Variants in NXPE2 observed in about 807,000 individuals in gnomAD.
NXPE2 encodes the protein neurexophilin and PC-esterase domain family member 2, also known as NXPE family member 2.
NXPE2 carries 34 observed loss-of-function variants against 34.4 expected under a neutral mutation model. The observed-to-expected ratio is 0.99, with a 90% CI of 0.75 to 1.31. NXPE2 has a LOEUF of 1.31. NXPE2 is among the 40% of genes most tolerant of loss of function. The pLI, the probability that NXPE2 is intolerant of heterozygous loss-of-function variation, is 0.00. For missense variants in NXPE2, 649 were observed against 672.5 expected, an observed-to-expected ratio of 0.97 and a Z score of 0.39; for synonymous variants, 235 against 231.3, an observed-to-expected ratio of 1.02 and a Z score of -0.15.
At chr11:114,561,452 C>T in the NXPE2 span, among the ~76,000 whole-genome samples, 3 of 152,156 alleles carry the variant, frequency 2.0e-5, no homozygotes, top group African/African-American at 2.4e-5. Context: ...GTTTCTTTAA[C>T]CAATATTGTT....
the NXPE2 span, among the ~76,000 whole-genome samples, chr11:114,722,360 C>T: frequency 1.3e-5 from 2 of 152,048 alleles, no homozygotes; most frequent in African/African-American, 4.8e-5. Flanking sequence ...TCCACCATGA[C>T]AGTAAGTATC....
At position 114,679,893 on chromosome 11, in the gene NXPE2, A is replaced by G. The variant is rs1950919891; in HGVS notation, c.132+131A>G. 7 of 589,686 alleles carry G rather than the reference A, an allele frequency of 1.2e-5. No individual in the cohort carries two copies. The South Asian group carries it at 1.6e-4, about 13-fold the overall frequency. 36.5% of individuals were successfully genotyped at this position (589,686 alleles called of 1,614,324 possible). A position where few individuals can be genotyped will look rare whatever the true frequency, so the allele number is the denominator to read the frequency against. On this transcript the variant is annotated intron_variant, in intron 2 of 5. Transcript: ENST00000389586. Reference sequence around the variant, plus strand: ...GCAGGAGAATGTGGATCAGGGGTTCACTGTTCAGCATAAATCCCTTTGGCA... The same window carrying G: ...GCAGGAGAATGTGGATCAGGGGTTCGCTGTTCAGCATAAATCCCTTTGGCA...
At chr11:114,570,991 G>A in the NXPE2 span, 1 of 1,612,162 alleles carries the variant, frequency 6.2e-7, no homozygotes, top group Non-Finnish European at 8.5e-7. Context: ...ACATGTTGAG[G>A]TGGGTGTACA....
chr11:114,588,560 A>T, the NXPE2 span, among the ~76,000 whole-genome samples: 1 of 152,154 alleles, frequency 6.6e-6, no homozygotes, highest in East Asian at 1.9e-4. Flanking sequence ...GAATATAGAG[A>T]AAATGAAGAA....
chr11:114,728,652 G>A, the NXPE2 span, among the ~76,000 whole-genome samples: 4 of 152,050 alleles, frequency 2.6e-5, no homozygotes, highest in East Asian at 3.9e-4. Context: ...TTCTGTAAAG[G>A]ACAAGATATT....
chr11:114,810,150 G>A, the NXPE2 span, among the ~76,000 whole-genome samples: 3 of 142,940 alleles, frequency 2.1e-5, no homozygotes, highest in Non-Finnish European at 3.1e-5. Context: ...GTAGAAAGCT[G>A]AAACTGGATC....
At chr11:114,758,325 A>G in the NXPE2 span, among the ~76,000 whole-genome samples, 1 of 152,218 alleles carries the variant, frequency 6.6e-6, no homozygotes. Flanking sequence ...TATCTGGCCT[A>G]GCTTCCTACC....
At chr11:114,553,372 C>T in the NXPE2 span, among the ~76,000 whole-genome samples, 1 of 152,120 alleles carries the variant, frequency 6.6e-6, no homozygotes, top group African/African-American at 2.4e-5. Flanking sequence ...GTCACAAGAT[C>T]CCAGTCCTGA....
chr11:114,549,850 G>T, the NXPE2 span, among the ~76,000 whole-genome samples: 1 of 151,926 alleles, frequency 6.6e-6, no homozygotes, highest in African/African-American at 2.4e-5. Context: ...ATGGAGAAAT[G>T]ACTACAAATA....
At chr11:114,581,376 G>T in the NXPE2 span, among the ~76,000 whole-genome samples, 7 of 152,094 alleles carry the variant, frequency 4.6e-5, no homozygotes, top group Admixed American at 6.6e-5. Flanking sequence ...TGGTGATATG[G>T]GAAGAGGTGA....
At chr11:114,721,243 GTTTT>G in the NXPE2 span, among the ~76,000 whole-genome samples, 3 of 138,866 alleles carry the variant, frequency 2.2e-5, no homozygotes, top group African/African-American at 7.8e-5. Flanking sequence ...CTTTCTTCAG[GTTTT>G]TTTTTTTTTT....
At chr11:114,473,174 A>G in the NXPE2 span, among the ~76,000 whole-genome samples, 7 of 152,212 alleles carry the variant, frequency 4.6e-5, no homozygotes, top group South Asian at 6.2e-4. Flanking sequence ...GTCTTGGGAT[A>G]GTGATTAAAT....
the NXPE2 span, among the ~76,000 whole-genome samples, chr11:114,744,845 C>G: frequency 6.6e-6 from 1 of 151,842 alleles, no homozygotes; most frequent in African/African-American, 2.4e-5. Context: ...ATTATAAGTA[C>G]GAAGGCATGT....
chr11:114,489,947 A>T, the NXPE2 span, among the ~76,000 whole-genome samples: 1 of 152,204 alleles, frequency 6.6e-6, no homozygotes, highest in Admixed American at 6.5e-5. Flanking sequence ...ATGATTGTAT[A>T]TCTAGAAAAC....
At chr11:114,635,503 T>C in the NXPE2 span, among the ~76,000 whole-genome samples, 8 of 152,042 alleles carry the variant, frequency 5.3e-5, no homozygotes, top group South Asian at 2.1e-4. Flanking sequence ...AGCACTCTGA[T>C]GAATAGGAGT....
the NXPE2 span, among the ~76,000 whole-genome samples, chr11:114,467,636 C>T: frequency 1.3e-5 from 2 of 152,060 alleles, no homozygotes; most frequent in East Asian, 1.9e-4. Flanking sequence ...CCTGCAATGT[C>T]GCTTTTTCAA....
the NXPE2 span, among the ~76,000 whole-genome samples, chr11:114,650,725 C>T: frequency 5.9e-5 from 9 of 152,240 alleles, no homozygotes; most frequent in East Asian, 1.7e-3. Context: ...CCACCCAAGA[C>T]CAACCATGGA....
the NXPE2 span, among the ~76,000 whole-genome samples, chr11:114,573,330 C>T: frequency 6.6e-6 from 1 of 151,996 alleles, no homozygotes; most frequent in Admixed American, 6.6e-5. Flanking sequence ...CAACAAGTAG[C>T]ACAATGAATA....
intron 2 of NXPE2, among the ~76,000 whole-genome samples, chr11:114,696,371 A>AAAGAG (rs947372701): frequency 6.6e-6 from 1 of 151,344 alleles, no homozygotes; most frequent in Non-Finnish European, 1.5e-5. Flanking sequence ...AAAGAAAAGA[A>AAAGAG]AAGAAACCAA....
Sources: gnomAD v4.1 joint callset for allele counts (sites outside exome capture counted in the v4.1 genomes callset) on GRCh38, gnomAD v4.1.1 for gene constraint, MANE v1.5 for transcripts, NCBI Gene and HGNC (gene_info 2026-07-23, HGNC 2026-07-21) for gene names.